Variants in FAF1 observed in about 807,000 individuals in gnomAD.
FAF1 encodes the protein FAS-associated factor 1.
Under a neutral mutation model 92.5 loss-of-function variants are expected in FAF1, and 25 were observed. The observed-to-expected ratio is 0.27, with a 90% CI of 0.20 to 0.38. The LOEUF is 0.38. Among genes scored for constraint, FAF1 ranks in the 10% least tolerant of loss-of-function variants. The pLI, the probability that FAF1 is intolerant of heterozygous loss-of-function variation, is 1.00. For missense variants in FAF1, 636 were observed against 793.3 expected (o/e 0.80, Z 2.38); for synonymous variants, 234 against 273.2 (o/e 0.86, Z 1.42).
At chr1:50,665,888 A>C (rs572130303) in intron 7 of FAF1, among the ~76,000 whole-genome samples, 5 of 152,142 alleles carry the variant, frequency 3.3e-5, no homozygotes, top group African/African-American at 1.2e-4. Flanking sequence ...GCACAGAAAA[A>C]AGATCAGGCC....
chr1:50,556,030 C>T (rs996031637), intron 13 of FAF1, among the ~76,000 whole-genome samples: 1 of 150,872 alleles, frequency 6.6e-6, no homozygotes, highest in Non-Finnish European at 1.5e-5. Flanking sequence ...TACAACTCAG[C>T]TATAAAAAAG....
chr1:50,442,953 A>G lies in FAF1; in HGVS notation c.1870-1430T>C, dbSNP rs1646186910. Among the ~76,000 whole-genome samples the G allele has an allele frequency of 3.3e-5, 5 of 152,194 alleles. No individual in the cohort carries two copies. The South Asian group carries it at 1.0e-3, about 32-fold the overall frequency. On this transcript the variant is annotated intron_variant, in intron 18 of 18. Transcript: ENST00000396153. ...GGCAGATGGACAGGCAAGGAGTGGGAAGGGCCTAGCCTGTCTATCTTCCAA... is the reference window on the plus strand; with the variant it reads ...GGCAGATGGACAGGCAAGGAGTGGGGAGGGCCTAGCCTGTCTATCTTCCAA...
intron 2 of FAF1, among the ~76,000 whole-genome samples, chr1:50,837,823 A>C (rs1644222371): frequency 6.6e-6 from 1 of 151,826 alleles, no homozygotes; most frequent in South Asian, 2.1e-4. Flanking sequence ...AGCTCACTGC[A>C]ACCTCTGCCT....
chr1:50,913,724 C>T (rs965944001), intron 1 of FAF1, among the ~76,000 whole-genome samples: 1 of 152,034 alleles, frequency 6.6e-6, no homozygotes, highest in Non-Finnish European at 1.5e-5. Flanking sequence ...CTATTACTTT[C>T]CAAAAGACTA....
At chr1:50,610,324 G>A (rs1481716167) in intron 8 of FAF1, among the ~76,000 whole-genome samples, 1 of 152,134 alleles carries the variant, frequency 6.6e-6, no homozygotes, top group East Asian at 1.9e-4. Flanking sequence ...TTTCCCAAAA[G>A]AGAACATAAT....
At chr1:50,514,733 T>G (rs1301306407) in intron 15 of FAF1, among the ~76,000 whole-genome samples, 2 of 152,290 alleles carry the variant, frequency 1.3e-5, no homozygotes. Flanking sequence ...GGGAGTCAGC[T>G]AAAAAGCTGG....
chr1:50,625,924 G>T (rs1167750208), intron 8 of FAF1, among the ~76,000 whole-genome samples: 1 of 152,160 alleles, frequency 6.6e-6, no homozygotes, highest in African/African-American at 2.4e-5. Flanking sequence ...AAGACAGAAA[G>T]ATCTGAAACA....
intron 1 of FAF1, among the ~76,000 whole-genome samples, chr1:50,941,262 T>G (rs889277227): frequency 1.3e-5 from 2 of 152,160 alleles, no homozygotes; most frequent in Non-Finnish European, 2.9e-5. Context: ...CAGGCTGGAG[T>G]GCAGTGGTGT....
intron 4 of FAF1, among the ~76,000 whole-genome samples, chr1:50,752,620 T>C (rs1271519923): frequency 6.6e-6 from 1 of 152,160 alleles, no homozygotes; most frequent in Non-Finnish European, 1.5e-5. Flanking sequence ...ACTTACTGTT[T>C]TCTGCTCTTA....
chr1:50,897,696 C>T (rs1216977303), intron 1 of FAF1, among the ~76,000 whole-genome samples: 2 of 152,204 alleles, frequency 1.3e-5, no homozygotes, highest in African/African-American at 4.8e-5. Context: ...AATTCTTCAA[C>T]CTTCCATGCA....
intron 18 of FAF1, among the ~76,000 whole-genome samples, chr1:50,472,931 C>A (rs1646594621): frequency 6.6e-6 from 1 of 152,064 alleles, no homozygotes; most frequent in African/African-American, 2.4e-5. Flanking sequence ...CTCACCCCAC[C>A]CCTGGCTCTA....
At chr1:50,725,017 T>G (rs1052832837) in intron 6 of FAF1, among the ~76,000 whole-genome samples, 2 of 152,200 alleles carry the variant, frequency 1.3e-5, no homozygotes, top group Non-Finnish European at 2.9e-5. Flanking sequence ...AAGATTTAAA[T>G]TTAGATTTCG....
chr1:50,779,642 T>G (rs1661089680), intron 4 of FAF1, among the ~76,000 whole-genome samples: 1 of 151,792 alleles, frequency 6.6e-6, no homozygotes, highest in Non-Finnish European at 1.5e-5. Flanking sequence ...AAATATAATT[T>G]GTGACACCAA....
In FAF1 at chr1:50,930,239, T is replaced by C. The variant is rs566070297; in HGVS notation, c.45+29528A>G. 5.9e-5 allele frequency among the ~76,000 whole-genome samples: 9 copies of C among 152,296 alleles called. No homozygotes were observed. The East Asian group carries it at 1.7e-3, about 29-fold the overall frequency. On this transcript the variant is annotated intron_variant, in intron 1 of 18. Transcript: ENST00000396153. ...TTTAATACATCTTGGTTCTTTTGTT[T>C]TAAAGAAGAATGGATTCCAAAAGGG... is the stretch of plus-strand genomic sequence containing the variant.
chr1:50,542,424 A>G (rs1203033745), intron 13 of FAF1, among the ~76,000 whole-genome samples: 1 of 152,172 alleles, frequency 6.6e-6, no homozygotes, highest in African/African-American at 2.4e-5. Flanking sequence ...TTATAACACT[A>G]CCAGCAGCAA....
At chr1:50,549,516 A>G (rs1387085981) in intron 13 of FAF1, among the ~76,000 whole-genome samples, 2 of 152,050 alleles carry the variant, frequency 1.3e-5, no homozygotes, top group Non-Finnish European at 1.5e-5. Context: ...ATGGTGGCTC[A>G]CGACTGTACT....
chr1:50,911,063 T>C (rs1392396332), intron 1 of FAF1, among the ~76,000 whole-genome samples: 17 of 151,932 alleles, frequency 1.1e-4, no homozygotes, highest in Admixed American at 1.1e-3. Flanking sequence ...AATTTTGCTT[T>C]ATTTATTTAT....
intron 1 of FAF1, among the ~76,000 whole-genome samples, chr1:50,872,156 G>A (rs191612625): frequency 5.4e-4 from 82 of 152,032 alleles, no homozygotes; most frequent in African/African-American, 2.0e-3. Context: ...TCTGGGCAAA[G>A]TACACTGAAA....
chr1:50,793,352 A>G (rs746669027), intron 3 of FAF1, among the ~76,000 whole-genome samples: 16 of 152,198 alleles, frequency 1.1e-4, no homozygotes, highest in Non-Finnish European at 2.1e-4. Context: ...GATTTTTAGG[A>G]GATTACTAGA....
Sources: gnomAD v4.1 joint callset for allele counts (sites outside exome capture counted in the v4.1 genomes callset) on GRCh38, gnomAD v4.1.1 for gene constraint, MANE v1.5 for transcripts, NCBI Gene and HGNC (gene_info 2026-07-23, HGNC 2026-07-21) for gene names.